TNNI3K: variants seen among roughly 807,000 people sequenced by gnomAD.
TNNI3K encodes serine/threonine-protein kinase TNNI3K.
In TNNI3K, 140 loss-of-function variants were observed where a neutral mutation model predicts 114.5. That is an observed-to-expected ratio of 1.22 (90% CI 1.07 to 1.41). The LOEUF (loss-of-function observed/expected upper bound fraction) is 1.41. Among genes scored for constraint, TNNI3K ranks in the 40% most tolerant of loss-of-function variants. The pLI is 0.00. For synonymous variants in TNNI3K, 347 were observed against 347.5 expected, an observed-to-expected ratio of 1.00 and a Z score of 0.02; for missense variants, 1,125 against 1,007.6, an observed-to-expected ratio of 1.12 and a Z score of -1.58.
chr1:74,492,159 C>T lies in TNNI3K; in HGVS notation c.2244C>T (p.Cys748=), dbSNP rs751728279. Residue 748 remains cysteine, a synonymous_variant, in exon 23 of 25, where the codon TGC becomes TGT. Coordinates refer to ENST00000326637, the MANE Select transcript of TNNI3K (RefSeq NM_015978.3). ...TCTCACCTTCTTCTTCTTCTGATTG[C>T]CTGGTGAACCGGGGAGGACCTGGCC... ...GSLSPSSSSD[C]LVNRGGPGRS... is the part of the protein sequence containing the mutation. 3 of 1,612,998 alleles carry T rather than the reference C, an allele frequency of 1.9e-6. No individual in the cohort carries two copies. The highest frequency in any genetic ancestry group is 2.2e-5 in the South Asian group (2 of 90,940).
Position 74,509,782 on chromosome 1 carries a change from C to G in TNNI3K, c.2351+17516C>G, listed in dbSNP as rs528152550. On this transcript the variant is annotated intron_variant, in intron 23 of 24. Coordinates refer to ENST00000326637, the MANE Select transcript of TNNI3K (RefSeq NM_015978.3). Reference sequence around the variant, plus strand: ...TTTTTTTTTTTTTTTTTTTTTGAGACAGGGTCTCACTTTGTTACCCAGTAC... The same window carrying G: ...TTTTTTTTTTTTTTTTTTTTTGAGAGAGGGTCTCACTTTGTTACCCAGTAC... Among the ~76,000 whole-genome samples, 9 of 72,904 alleles carry G rather than the reference C, an allele frequency of 1.2e-4. No homozygotes were observed. In the East Asian group the frequency reaches 4.3e-3, roughly 35 times the overall value. 47.8% of individuals were successfully genotyped at this position (72,904 alleles called of 152,430 possible). A position where few individuals can be genotyped will look rare whatever the true frequency, so the allele number is the denominator to read the frequency against.
intron 5 of TNNI3K, among the ~76,000 whole-genome samples, chr1:74,292,895 A>G (rs1657768093): frequency 6.6e-6 from 1 of 151,652 alleles, no homozygotes; most frequent in African/African-American, 2.4e-5. Flanking sequence ...AACATGGTTT[A>G]TAGTTTCCCA....
rs141852569 is a variant in TNNI3K at position 74,459,834 on chromosome 1, T to C, written c.2012-3607T>C. ...ACAAGGGAGAAGTTGAATCCACAAA[T>C]TGACACCATGGTTATATAGACTCTG... On this transcript the variant is annotated intron_variant, in intron 20 of 24. Coordinates refer to ENST00000326637, the MANE Select transcript of TNNI3K (RefSeq NM_015978.3). Among the ~76,000 whole-genome samples the C allele has an allele frequency of 1.5e-3, 233 of 152,272 alleles. 1 individual carries two copies. The highest frequency in any genetic ancestry group is 5.1e-3 in the African/African-American group (214 of 41,568).
intron 21 of TNNI3K, among the ~76,000 whole-genome samples, chr1:74,482,907 T>A (rs1668575555): frequency 6.6e-6 from 1 of 152,130 alleles, no homozygotes; most frequent in Non-Finnish European, 1.5e-5. Flanking sequence ...CAGTTCAGGT[T>A]TCTGATTCAT....
At chr1:74,517,581 T>A (rs1376808530) in intron 23 of TNNI3K, among the ~76,000 whole-genome samples, 1 of 152,134 alleles carries the variant, frequency 6.6e-6, no homozygotes, top group Non-Finnish European at 1.5e-5. Flanking sequence ...ACTCCACATG[T>A]GGGGGCTGTG....
At chr1:74,431,705 C>A (rs928669301) in intron 17 of TNNI3K, among the ~76,000 whole-genome samples, 1 of 152,098 alleles carries the variant, frequency 6.6e-6, no homozygotes, top group African/African-American at 2.4e-5. Flanking sequence ...CATATCATAT[C>A]TCCTATAAAG....
At chr1:74,237,256 C>A (rs1290559581) in intron 2 of TNNI3K, among the ~76,000 whole-genome samples, 1 of 151,804 alleles carries the variant, frequency 6.6e-6, no homozygotes, top group Non-Finnish European at 1.5e-5. Context: ...GATGAGATAC[C>A]ACTGATCTGA....
intron 4 of TNNI3K, among the ~76,000 whole-genome samples, chr1:74,271,070 G>A (rs903942410): frequency 9.8e-6 from 1 of 101,992 alleles, no homozygotes; most frequent in African/African-American, 3.8e-5. Flanking sequence ...ATTGTGCCTA[G>A]ATTTAATGAT....
At position 74,336,019 on chromosome 1, in the gene TNNI3K, C is replaced by T; in HGVS notation, c.552C>T (p.Arg184=). 1.9e-6 allele frequency: 3 copies of T among 1,569,766 alleles called. No individual in the cohort carries two copies. The highest frequency in any genetic ancestry group is 2.6e-6 in the Non-Finnish European group (3 of 1,166,322). ...AAYYGHEQVT[R]LLLKFGADVN... is the part of the protein sequence containing the mutation. Reference sequence around the variant, plus strand: ...ATGAATAAATCCTTTAGGTAACTCGCCTTCTTTTGAAATTTGGTGCTGATG... The same window carrying T: ...ATGAATAAATCCTTTAGGTAACTCGTCTTCTTTTGAAATTTGGTGCTGATG... Residue 184 remains arginine (R), a synonymous_variant, in exon 7 of 25, where the codon CGC becomes CGT. Coordinates refer to ENST00000326637, the MANE Select transcript of TNNI3K (RefSeq NM_015978.3).
At chr1:74,524,502 A>G (rs1353450338) in intron 23 of TNNI3K, among the ~76,000 whole-genome samples, 1 of 152,204 alleles carries the variant, frequency 6.6e-6, no homozygotes, top group Admixed American at 6.5e-5. Flanking sequence ...AAAAAATTGC[A>G]CAGGAAAATG....
intron 2 of TNNI3K, chr1:74,240,097 T>TA (rs1395897500): frequency 2.9e-6 from 1 of 343,134 alleles, no homozygotes. Flanking sequence ...TAACAGCACT[T>TA]ACTACATGGT....
chr1:74,236,285 A>G, intron 2 of TNNI3K, 75 bp downstream of exon 2: 4 of 1,347,294 alleles, frequency 3.0e-6, no homozygotes, highest in Non-Finnish European at 4.1e-6. Context: ...GTATCTGTAT[A>G]TTTTTTAAAC....
Position 74,370,284 on chromosome 1 carries a change from C to T in TNNI3K, c.1668-4C>T, listed in dbSNP as rs1295748609. 1 of 1,584,038 alleles carries T rather than the reference C, an allele frequency of 6.3e-7. No individual in the cohort carries two copies. The highest frequency in any genetic ancestry group is 2.3e-5 in the East Asian group (1 of 43,832). ...TCTCTGTTAAATCTATTTTTAAATTCTAGGATTCTTGATTTGCAGTCTAAA... is the reference window on the plus strand; with the variant it reads ...TCTCTGTTAAATCTATTTTTAAATTTTAGGATTCTTGATTTGCAGTCTAAA... On this transcript the variant is annotated splice_polypyrimidine_tract_variant and splice_region_variant and intron_variant, in intron 16 of 24. Transcript: ENST00000326637.
chr1:74,382,248 T>C (rs1474689901), intron 17 of TNNI3K, among the ~76,000 whole-genome samples: 5 of 152,200 alleles, frequency 3.3e-5, no homozygotes, highest in Non-Finnish European at 5.9e-5. Flanking sequence ...TTATGTCACT[T>C]GACGTTTTTC....
chr1:74,300,356 G>A lies in TNNI3K; in HGVS notation c.444+28648G>A, dbSNP rs1320908105. 3.3e-5 allele frequency among the ~76,000 whole-genome samples: 5 copies of A among 152,074 alleles called. No individual in the cohort carries two copies. The East Asian group carries it at 7.7e-4, about 23-fold the overall frequency. On this transcript the variant is annotated intron_variant, in intron 5 of 24. Coordinates refer to ENST00000326637, the MANE Select transcript of TNNI3K (RefSeq NM_015978.3). Reference sequence around the variant, plus strand: ...ATTTAAGTCATTGTATCAGAATCTCGCTTTCTAAGGGTTTTCTTTCAACAT... The same window carrying A: ...ATTTAAGTCATTGTATCAGAATCTCACTTTCTAAGGGTTTTCTTTCAACAT...
chr1:74,458,159 C>T (rs1239919917), intron 20 of TNNI3K, among the ~76,000 whole-genome samples: 7 of 152,126 alleles, frequency 4.6e-5, no homozygotes, highest in Non-Finnish European at 1.0e-4. Context: ...CTCAGTTAGT[C>T]CTACTAACCT....
rs566391012 is a variant in TNNI3K, at chr1:74,370,403, C to T, written c.1772+11C>T. The T allele has an allele frequency of 6.3e-7, 1 of 1,598,058 alleles. No individual in the cohort carries two copies. Among genetic ancestry groups the T allele is most frequent in the Admixed American group, 1.7e-5 (1 of 58,424 alleles). ...TCGTGACTTGAACAGGTATTTTTTT[C>T]CTAAATAATGAACTCAGAAGGGTAT... On this transcript the variant is annotated intron_variant, in intron 17 of 24. Coordinates refer to ENST00000326637, the MANE Select transcript of TNNI3K (RefSeq NM_015978.3).
intron 9 of TNNI3K, 75 bp downstream of exon 9, chr1:74,343,254 G>A: frequency 1.4e-6 from 2 of 1,468,522 alleles, no homozygotes; most frequent in African/African-American, 2.9e-5. Context: ...TGGGTATAAA[G>A]CAAGAACAAA....
At chr1:74,507,805 A>G (rs535282444) in intron 23 of TNNI3K, among the ~76,000 whole-genome samples, 2 of 152,322 alleles carry the variant, frequency 1.3e-5, no homozygotes, top group Admixed American at 1.3e-4. Context: ...GGGCTCTGAG[A>G]CTTAGGAACT....
Sources: allele counts gnomAD v4.1 joint callset (sites outside exome capture counted in the v4.1 genomes callset), GRCh38; gene constraint gnomAD v4.1.1; transcripts MANE v1.5; gene names NCBI Gene and HGNC (gene_info 2026-07-23, HGNC 2026-07-21).